The following LINGO2 variants were observed in gnomAD, a reference collection of about 807,000 sequenced individuals.
LINGO2 encodes leucine-rich repeat and immunoglobulin-like domain-containing nogo receptor-interacting protein 2.
LINGO2 carries 14 observed loss-of-function variants against 30.6 expected under a neutral mutation model. The ratio of observed to expected loss-of-function variants is 0.46; its 90% CI spans 0.30 to 0.72. The LOEUF is 0.72. LINGO2 is among the 30% of genes least tolerant of loss of function. LINGO2 has a pLI of 0.07. For missense variants in LINGO2, 729 were observed against 751.7 expected (o/e 0.97, Z 0.35); for synonymous variants, 317 against 288.5 (o/e 1.10, Z -1.00).
chr9:28,080,571 G>A (rs1825745647), intron 4 of LINGO2: 2 of 152,110 alleles, frequency 1.3e-5, no homozygotes, highest in African/African-American at 4.8e-5. Context: ...CATCCTATTT[G>A]AATGACACCA....
At chr9:27,997,117 A>G (rs1285735692) in intron 5 of LINGO2, among the ~76,000 whole-genome samples, 2 of 152,216 alleles carry the variant, frequency 1.3e-5, no homozygotes, top group Non-Finnish European at 2.9e-5. Context: ...CTTCTGACAT[A>G]TAATGACTCT....
the LINGO2 span, among the ~76,000 whole-genome samples, chr9:28,829,588 T>G: frequency 6.6e-6 from 1 of 152,194 alleles, no homozygotes; most frequent in East Asian, 1.9e-4. Flanking sequence ...ACACTGTCTA[T>G]TCCAGATAGA....
At chr9:28,953,291 G>T in the LINGO2 span, among the ~76,000 whole-genome samples, 5 of 152,048 alleles carry the variant, frequency 3.3e-5, no homozygotes, top group Middle Eastern at 3.2e-3. Flanking sequence ...GAGATAGAAA[G>T]TTGTCTTATA....
chr9:28,018,964 T>A (rs1822977680), intron 4 of LINGO2, among the ~76,000 whole-genome samples: 1 of 152,102 alleles, frequency 6.6e-6, no homozygotes, highest in Non-Finnish European at 1.5e-5. Flanking sequence ...TAGAATAAGA[T>A]CATGTCCTTT....
chr9:28,361,761 TATTTC>T (rs749849124), intron 3 of LINGO2, among the ~76,000 whole-genome samples: 3 of 152,340 alleles, frequency 2.0e-5, no homozygotes, highest in East Asian at 1.9e-4. Context: ...TGACATATAA[TATTTC>T]ATTTCATTTA....
chr9:28,965,172 A>G, the LINGO2 span, among the ~76,000 whole-genome samples: 1 of 151,944 alleles, frequency 6.6e-6, no homozygotes, highest in East Asian at 1.9e-4. Flanking sequence ...TAATTACAAC[A>G]ATTCTTAGGA....
chr9:29,183,625 G>A, the LINGO2 span, among the ~76,000 whole-genome samples: 18 of 152,220 alleles, frequency 1.2e-4, no homozygotes, highest in African/African-American at 4.3e-4. Context: ...ACTTAGAATA[G>A]GGCCTTAACC....
chr9:27,973,095 G>C (rs10968240), intron 5 of LINGO2, among the ~76,000 whole-genome samples: 17,120 of 152,130 alleles, frequency 0.11, 1,157 homozygotes, highest in Non-Finnish European at 0.15. Flanking sequence ...TGGTTTTCCG[G>C]CTTGCAGAGA....
At chr9:28,577,167 T>G (rs998091658) in intron 1 of LINGO2, among the ~76,000 whole-genome samples, 6 of 152,178 alleles carry the variant, frequency 3.9e-5, no homozygotes, top group African/African-American at 1.4e-4. Context: ...CGGGCCTGAA[T>G]TTTGCTAAAA....
At chr9:28,909,710 C>T in the LINGO2 span, among the ~76,000 whole-genome samples, 2 of 151,970 alleles carry the variant, frequency 1.3e-5, no homozygotes, top group Non-Finnish European at 2.9e-5. Context: ...CTGGTGTGAG[C>T]AACTGCATCA....
At chr9:28,028,605 G>A (rs1403271299) in intron 4 of LINGO2, among the ~76,000 whole-genome samples, 1 of 152,080 alleles carries the variant, frequency 6.6e-6, no homozygotes, top group African/African-American at 2.4e-5. Context: ...ACCAAAACCA[G>A]AAGATGCTCA....
chr9:28,470,141 T>G (rs1825464260), intron 2 of LINGO2, among the ~76,000 whole-genome samples: 1 of 152,166 alleles, frequency 6.6e-6, no homozygotes, highest in Non-Finnish European at 1.5e-5. Context: ...TAAGTCTGTA[T>G]GTGAAAAAGC....
At chr9:27,950,621 C>G in exon 6 of LINGO2, 1 of 1,515,760 alleles carries the variant, frequency 6.6e-7, no homozygotes, top group Non-Finnish European at 8.8e-7. Context: ...AGATTAACAC[C>G]ACAGCCAGAC....
the LINGO2 span, among the ~76,000 whole-genome samples, chr9:28,982,431 T>C: frequency 6.6e-6 from 1 of 152,016 alleles, no homozygotes; most frequent in Non-Finnish European, 1.5e-5. Context: ...ACAATGCAGA[T>C]CAAGGCCACA....
Position 27,949,092 on chromosome 9 carries a change from T to C in LINGO2, c.1580A>G (p.Asn527Ser), listed in dbSNP as rs745439145. 8.1e-6 allele frequency: 13 copies of C among 1,614,148 alleles called. No individual in the cohort carries two copies. The highest frequency in any genetic ancestry group is 5.0e-5 in the Admixed American group (3 of 60,020). The change falls in exon 6 of 6, where the codon AAT becomes AGT. Residue 527 changes from asparagine to serine, a missense_variant. Coordinates refer to ENST00000379992, the Ensembl canonical transcript of LINGO2. ...GGAAAAAGTATTGGCATTGGTGCCATTGGAAATGGTGTCATTGGAGTCGGT... is the reference window on the plus strand; with the variant it reads ...GGAAAAAGTATTGGCATTGGTGCCACTGGAAATGGTGTCATTGGAGTCGGT...
At chr9:28,408,313 T>C (rs1043798062) in intron 2 of LINGO2, among the ~76,000 whole-genome samples, 65 of 152,284 alleles carry the variant, frequency 4.3e-4, no homozygotes, top group Middle Eastern at 3.4e-3. Flanking sequence ...ATACATTGCA[T>C]GGCAAATAAG....
the LINGO2 span, among the ~76,000 whole-genome samples, chr9:29,102,228 C>T: frequency 3.3e-5 from 5 of 151,932 alleles, no homozygotes; most frequent in East Asian, 7.8e-4. Flanking sequence ...ACTACAGGTG[C>T]CCGTCACCAT....
the LINGO2 span, among the ~76,000 whole-genome samples, chr9:28,819,025 G>T: frequency 6.6e-6 from 1 of 151,750 alleles, no homozygotes; most frequent in Non-Finnish European, 1.5e-5. Context: ...TTCTACCTGA[G>T]GAAGGTTTTC....
At chr9:28,344,074 G>T (rs929976031) in intron 3 of LINGO2, among the ~76,000 whole-genome samples, 4 of 151,750 alleles carry the variant, frequency 2.6e-5, no homozygotes, top group Non-Finnish European at 5.9e-5. Flanking sequence ...GGCCCCTCTA[G>T]GCTATCAACA....
Sources: allele counts gnomAD v4.1 joint callset (sites outside exome capture counted in the v4.1 genomes callset), GRCh38; gene constraint gnomAD v4.1.1; transcripts MANE v1.5; gene names NCBI Gene and HGNC (gene_info 2026-07-23, HGNC 2026-07-21).